Variants in SYT1 observed in about 807,000 individuals in gnomAD.
SYT1 encodes the protein synaptotagmin-1.
SYT1 carries 8 observed loss-of-function variants against 44.8 expected under a neutral mutation model. The ratio of observed to expected loss-of-function variants is 0.18; its 90% confidence interval spans 0.10 to 0.32. The LOEUF is 0.32. SYT1 is among the 10% of genes least tolerant of loss of function. The pLI, the probability that SYT1 is intolerant of heterozygous loss-of-function variation, is 1.00. For synonymous variants in SYT1, 154 were observed against 188.8 expected (o/e 0.82, Z 1.51); for missense variants, 286 against 509.3 (o/e 0.56, Z 4.22).
At chr12:79,130,865 T>G (rs1051720548) in intron 3 of SYT1, among the ~76,000 whole-genome samples, 4 of 152,138 alleles carry the variant, frequency 2.6e-5, no homozygotes, top group Non-Finnish European at 5.9e-5. Context: ...AGAACCTCAG[T>G]CCCTTCATAG....
chr12:79,159,632 T>C (rs771026315), intron 3 of SYT1, among the ~76,000 whole-genome samples: 51 of 152,172 alleles, frequency 3.4e-4, no homozygotes, highest in Admixed American at 1.3e-3. Flanking sequence ...AAAAATAGTA[T>C]ATCTAGGGTT....
intron 2 of SYT1, among the ~76,000 whole-genome samples, chr12:79,027,977 G>A (rs1872630450): frequency 6.6e-6 from 1 of 151,256 alleles, no homozygotes; most frequent in Admixed American, 6.6e-5. Context: ...GTCTCTTTAT[G>A]CAGTCATATT....
chr12:79,042,071 T>G (rs1474761277), intron 2 of SYT1, among the ~76,000 whole-genome samples: 1 of 150,406 alleles, frequency 6.6e-6, no homozygotes, highest in African/African-American at 2.4e-5. Flanking sequence ...ATCAAGGATA[T>G]TGGTCTAAAA....
At chr12:79,105,331 A>C (rs999951705) in intron 3 of SYT1, among the ~76,000 whole-genome samples, 1 of 152,234 alleles carries the variant, frequency 6.6e-6, no homozygotes, top group Non-Finnish European at 1.5e-5. Flanking sequence ...GCACTAACAA[A>C]GTAACCATTC....
rs548300498 is a variant in SYT1, at chr12:79,431,368, T to A, written c.929-12705T>A. On this transcript the variant is annotated intron_variant, in intron 9 of 10. Coordinates refer to ENST00000261205, the MANE Select transcript of SYT1 (RefSeq NM_005639.3). ...AATATTATTGTATTTTTTACTGAGA[T>A]CTGAAATACGAATGTGTGGTGATTG... 2.0e-5 allele frequency among the ~76,000 whole-genome samples: 3 copies of A among 152,274 alleles called. No individual in the cohort carries two copies. In the East Asian group the frequency reaches 5.8e-4, roughly 29 times the overall value.
At chr12:79,346,728 G>C (rs565454879) in intron 8 of SYT1, among the ~76,000 whole-genome samples, 55 of 152,278 alleles carry the variant, frequency 3.6e-4, no homozygotes, top group Non-Finnish European at 6.6e-4. Flanking sequence ...GATTAAAATG[G>C]AGACACTGTT....
intron 4 of SYT1, among the ~76,000 whole-genome samples, chr12:79,248,428 A>G (rs915935214): frequency 1.3e-5 from 2 of 152,208 alleles, no homozygotes; most frequent in African/African-American, 4.8e-5. Flanking sequence ...AAAAGAAAAA[A>G]TATTTTGACA....
chr12:79,182,767 T>C (rs749107509), intron 3 of SYT1, among the ~76,000 whole-genome samples: 2 of 152,082 alleles, frequency 1.3e-5, no homozygotes, highest in Non-Finnish European at 2.9e-5. Flanking sequence ...CTAAAGCAAA[T>C]TGCATAATAT....
intron 5 of SYT1, among the ~76,000 whole-genome samples, chr12:79,289,322 T>C (rs1195776565): frequency 6.6e-6 from 1 of 152,220 alleles, no homozygotes; most frequent in Non-Finnish European, 1.5e-5. Flanking sequence ...AATTTTGTTC[T>C]ATGAAGAGGA....
intron 3 of SYT1, among the ~76,000 whole-genome samples, chr12:79,077,207 T>C (rs1876718641): frequency 6.6e-6 from 1 of 152,086 alleles, no homozygotes; most frequent in African/African-American, 2.4e-5. Context: ...TGAGAAGCTA[T>C]TTATTCCTAC....
At position 79,285,815 on chromosome 12, in the gene SYT1, C is replaced by T. The variant is rs1879283518; in HGVS notation, c.195C>T (p.Ala65=). The change falls in exon 5 of 11, where the codon GCC becomes GCT. Residue 65 remains alanine, a synonymous_variant. Transcript: ENST00000261205. The stretch of plus-strand genomic sequence containing the variant: ...CACCGTGGGCCTTAATTGCAATAGC[C>T]ATAGTCGCAGTCCTTTTAGTCCTGA... The part of the protein sequence containing the change: ...PLPPWALIAI[A]IVAVLLVLTC... 1.2e-6 allele frequency: 2 copies of T among 1,610,232 alleles called. No homozygotes were observed. The highest frequency in any genetic ancestry group is 2.2e-5 in the South Asian group (2 of 89,882).
intron 1 of SYT1, among the ~76,000 whole-genome samples, chr12:78,871,819 A>G (rs1409193213): frequency 1.3e-5 from 2 of 151,932 alleles, no homozygotes; most frequent in Non-Finnish European, 2.9e-5. Flanking sequence ...TGAAGACTGA[A>G]TAAAGTGAAC....
At chr12:79,074,338 T>C (rs1876491128) in intron 3 of SYT1, among the ~76,000 whole-genome samples, 1 of 152,104 alleles carries the variant, frequency 6.6e-6, no homozygotes, top group African/African-American at 2.4e-5. Context: ...AGTACTGCCC[T>C]GCCAATTGTA....
At chr12:78,935,140 C>T (rs1877982002) in intron 1 of SYT1, among the ~76,000 whole-genome samples, 1 of 152,132 alleles carries the variant, frequency 6.6e-6, no homozygotes, top group Non-Finnish European at 1.5e-5. Context: ...TTGAATCTGT[C>T]TTTGGACAGG....
intron 3 of SYT1, among the ~76,000 whole-genome samples, chr12:79,096,355 C>T (rs1156833039): frequency 6.6e-6 from 1 of 151,914 alleles, no homozygotes; most frequent in Non-Finnish European, 1.5e-5. Flanking sequence ...ATAGCCGTCT[C>T]AAAATATGCC....
chr12:79,359,115 A>G (rs1020407443), intron 9 of SYT1, among the ~76,000 whole-genome samples: 21 of 152,314 alleles, frequency 1.4e-4, no homozygotes, highest in African/African-American at 5.1e-4. Context: ...TAGCCATGGC[A>G]AATCAACAAG....
chr12:79,244,845 T>C (rs899385847), intron 4 of SYT1, among the ~76,000 whole-genome samples: 17 of 152,202 alleles, frequency 1.1e-4, no homozygotes, highest in African/African-American at 3.9e-4. Context: ...ACGGCTTTTT[T>C]TTAACTGAGA....
In SYT1 at chr12:78,868,786, A is replaced by C. The variant is rs528347416; in HGVS notation, c.-217+3677A>C. ...GAAAGTCTGGGAATACTCAGAGATA[A>C]TATTAATGAGAGCCTAGAGTTTTTT... On this transcript the variant is annotated intron_variant, in intron 1 of 10. Coordinates refer to ENST00000261205, the MANE Select transcript of SYT1 (RefSeq NM_005639.3). 1.9e-4 allele frequency: 29 copies of C among 151,934 alleles called. No individual in the cohort carries two copies. The East Asian group carries it at 5.6e-3, about 29-fold the overall frequency. The allele number at this position is 151,934 out of a possible 1,614,324, so 9.4% of individuals were successfully genotyped here. A position where few individuals can be genotyped will look rare whatever the true frequency, so the allele number is the denominator to read the frequency against.
At position 79,186,802 on chromosome 12, in the gene SYT1, A is replaced by G. The variant is rs1331508742; in HGVS notation, c.-17-30701A>G. 2.6e-5 allele frequency among the ~76,000 whole-genome samples: 4 copies of G among 152,188 alleles called. No homozygotes were observed. The East Asian group carries it at 7.7e-4, about 29-fold the overall frequency. ...GATTTATTTTCCTTGCAAGTGAATA[A>G]TTAGTGAATGTCAATTTCATGTTTT... is the stretch of plus-strand genomic sequence containing the variant. On this transcript the variant is annotated intron_variant, in intron 3 of 10. Coordinates refer to ENST00000261205, the MANE Select transcript of SYT1 (RefSeq NM_005639.3).
Sources: allele counts gnomAD v4.1 joint callset (sites outside exome capture counted in the v4.1 genomes callset), GRCh38; gene constraint gnomAD v4.1.1; transcripts MANE v1.5; gene names NCBI Gene and HGNC (gene_info 2026-07-23, HGNC 2026-07-21).